Variants in ATXN7 observed in about 807,000 individuals in gnomAD.
The protein encoded by ATXN7 is ataxin-7.
In ATXN7, 12 loss-of-function variants were observed where a neutral mutation model predicts 70.5. The ratio of observed to expected loss-of-function variants is 0.17; its 90% confidence interval spans 0.11 to 0.28. The LOEUF (loss-of-function observed/expected upper bound fraction) is 0.28. Ranked by LOEUF, ATXN7 falls within the 10% of genes least tolerant of loss-of-function variation. The probability of loss-of-function intolerance (pLI) is 1.00; values close to 1 mark genes in which losing one functional copy is unlikely to be tolerated. For missense variants in ATXN7, 1,256 were observed against 1,131.7 expected (o/e 1.11, Z -1.58); for synonymous variants, 498 against 448.7 (o/e 1.11, Z -1.39).
intron 1 of ATXN7, among the ~76,000 whole-genome samples, chr3:63,891,465 T>G (rs1703261386): frequency 6.6e-6 from 1 of 151,976 alleles, no homozygotes; most frequent in African/African-American, 2.4e-5. Context: ...ACTACAGGTG[T>G]GAGACACCAC....
chr3:63,942,319 C>G (rs996204528), intron 4 of ATXN7, among the ~76,000 whole-genome samples: 1 of 152,218 alleles, frequency 6.6e-6, no homozygotes, highest in African/African-American at 2.4e-5. Context: ...GGCACACAGC[C>G]TCTCTGTGCT....
chr3:63,933,141 A>T (rs1049828315), intron 4 of ATXN7, among the ~76,000 whole-genome samples: 1 of 152,176 alleles, frequency 6.6e-6, no homozygotes, highest in Non-Finnish European at 1.5e-5. Context: ...AGGCTCTACT[A>T]GTTTCAGGTG....
chr3:63,956,613 A>C (rs1455673329), intron 5 of ATXN7, among the ~76,000 whole-genome samples: 1 of 152,036 alleles, frequency 6.6e-6, no homozygotes, highest in Non-Finnish European at 1.5e-5. Flanking sequence ...AGAACCCAGG[A>C]ATCTGCATTC....
intron 5 of ATXN7, among the ~76,000 whole-genome samples, chr3:63,962,601 C>T (rs75253630): frequency 5.3e-4 from 81 of 152,060 alleles, no homozygotes; most frequent in African/African-American, 1.7e-3. Context: ...GACAGAATTT[C>T]GCCATGTTGG....
At chr3:63,912,457 GGC>G in intron 2 of ATXN7, 129 bp from the exon 3 acceptor site, 1 of 433,646 alleles carries the variant, frequency 2.3e-6, no homozygotes, top group South Asian at 8.9e-5. Flanking sequence ...CGGGGGGCTG[GGC>G]GGCCATGGGG....
intron 5 of ATXN7, among the ~76,000 whole-genome samples, chr3:63,962,908 CTT>C (rs71631179): frequency 8.1e-5 from 11 of 136,326 alleles, no homozygotes; most frequent in African/African-American, 1.1e-4. Flanking sequence ...TTTTGTATTT[CTT>C]TTTTTTTTTT....
At chr3:63,907,730 A>G (rs1703890119) in intron 2 of ATXN7, among the ~76,000 whole-genome samples, 1 of 151,676 alleles carries the variant, frequency 6.6e-6, no homozygotes, top group Non-Finnish European at 1.5e-5. Flanking sequence ...TACAGGCATC[A>G]GACCATCACG....
Position 63,953,001 on chromosome 3 carries a change from G to C in ATXN7, c.499+518G>C, listed in dbSNP as rs529105475. ...GTTTAAGATTCTGATTCTAAAACTT[G>C]GTTTTCTGCCCAGTTTGGCTCAATA... On this transcript the variant is annotated intron_variant, in intron 5 of 12. Transcript: ENST00000674280. Among the ~76,000 whole-genome samples the C allele has an allele frequency of 1.1e-4, 17 of 151,832 alleles. 1 individual carries two copies. The South Asian group carries it at 3.3e-3, about 30-fold the overall frequency.
At chr3:63,891,053 A>T (rs1285046205) in intron 1 of ATXN7, among the ~76,000 whole-genome samples, 3 of 152,098 alleles carry the variant, frequency 2.0e-5, no homozygotes, top group Non-Finnish European at 4.4e-5. Flanking sequence ...TCTGTCACCC[A>T]GGCTGGAGTG....
At chr3:63,934,035 TA>T (rs1415600445) in intron 4 of ATXN7, among the ~76,000 whole-genome samples, 1 of 152,220 alleles carries the variant, frequency 6.6e-6, no homozygotes, top group African/African-American at 2.4e-5. Context: ...ATGTTGTACT[TA>T]AAAAGCTACT....
rs1210033672 is a variant in ATXN7, at chr3:63,990,478, G to A, written c.1560+104G>A. The A allele has an allele frequency of 2.3e-5, 32 of 1,410,620 alleles. No individual in the cohort carries two copies. In the Admixed American group the frequency reaches 3.5e-4, roughly 15 times the overall value. The allele number at this position is 1,410,620 out of a possible 1,614,324, so 87.4% of individuals were successfully genotyped here. ...CTTGGCATGCCCGTATGTGTGGGAC[G>A]CGGTCAAGGTGTGAGAGAAGTTCAA... is the stretch of plus-strand genomic sequence containing the variant. On this transcript the variant is annotated intron_variant, in intron 10 of 12. Transcript: ENST00000674280.
rs931356734 is a variant in ATXN7 at position 63,948,701 on chromosome 3, C to A, written c.395-3678C>A. 2.6e-5 allele frequency among the ~76,000 whole-genome samples: 4 copies of A among 152,258 alleles called. No individual in the cohort carries two copies. The South Asian group carries it at 8.3e-4, about 32-fold the overall frequency. On this transcript the variant is annotated intron_variant, in intron 4 of 12. Coordinates refer to ENST00000674280, the MANE Select transcript of ATXN7 (RefSeq NM_001377405.1). Reference sequence around the variant, plus strand: ...TTCATTCTGCATGTGACTGAAGTTTCCATATACATGTGCTCAAGTGTCCTT... The same window carrying A: ...TTCATTCTGCATGTGACTGAAGTTTACATATACATGTGCTCAAGTGTCCTT...
At chr3:63,960,483 G>A (rs1245612125) in intron 5 of ATXN7, among the ~76,000 whole-genome samples, 1 of 152,196 alleles carries the variant, frequency 6.6e-6, no homozygotes, top group Non-Finnish European at 1.5e-5. Context: ...TTAGTGAGCT[G>A]TTTTATACTA....
intron 4 of ATXN7, among the ~76,000 whole-genome samples, chr3:63,918,948 G>A (rs914983270): frequency 6.6e-6 from 1 of 152,092 alleles, no homozygotes; most frequent in African/African-American, 2.4e-5. Context: ...CGTGACAGTG[G>A]GCATTGTCCT....
At position 63,999,549 on chromosome 3, in the gene ATXN7, G is replaced by C. The variant is rs752476125; in HGVS notation, c.*82G>C. On this transcript the variant is annotated 3_prime_UTR_variant, in exon 13 of 13. Coordinates refer to ENST00000674280, the MANE Select transcript of ATXN7 (RefSeq NM_001377405.1). The stretch of plus-strand genomic sequence containing the variant: ...CTCCACTCAGCACTCTGGACTCCAC[G>C]ATGCCTTTGAGTCTGTTTTCCCAAC... 7 of 1,590,576 alleles carry C rather than the reference G, an allele frequency of 4.4e-6. No homozygotes were observed. The highest frequency in any genetic ancestry group is 5.1e-6 in the Non-Finnish European group (6 of 1,166,708).
intron 5 of ATXN7, among the ~76,000 whole-genome samples, chr3:63,973,037 A>G (rs917705943): frequency 2.0e-5 from 3 of 152,060 alleles, no homozygotes; most frequent in African/African-American, 7.2e-5. Flanking sequence ...GCAACTCTTG[A>G]TCGTTTAATC....
At chr3:63,868,432 A>G (rs1251207745) in intron 1 of ATXN7, among the ~76,000 whole-genome samples, 2 of 152,240 alleles carry the variant, frequency 1.3e-5, no homozygotes, top group African/African-American at 4.8e-5. Context: ...AGGACTTACA[A>G]GCCAGGTTTG....
intron 2 of ATXN7, among the ~76,000 whole-genome samples, chr3:63,907,476 T>TG (rs902161618): frequency 6.7e-6 from 1 of 149,566 alleles, no homozygotes; most frequent in African/African-American, 2.5e-5. Context: ...TTTTTTTTTT[T>TG]TGTAACAGGG....
chr3:63,989,508 A>G (rs772334159), intron 9 of ATXN7, among the ~76,000 whole-genome samples: 1 of 152,060 alleles, frequency 6.6e-6, no homozygotes, highest in Non-Finnish European at 1.5e-5. Flanking sequence ...CACCAATTGC[A>G]GATTGAAACT....
Sources: gnomAD v4.1 joint callset for allele counts (sites outside exome capture counted in the v4.1 genomes callset) on GRCh38, gnomAD v4.1.1 for gene constraint, MANE v1.5 for transcripts, NCBI Gene and HGNC (gene_info 2026-07-23, HGNC 2026-07-21) for gene names.